Variants in SLIT1 observed in about 807,000 individuals in gnomAD.
The protein encoded by SLIT1 is slit guidance ligand 1, also known as slit homolog 1 protein.
In SLIT1, 66 loss-of-function variants were observed where a neutral mutation model predicts 186.1. That is an observed-to-expected ratio of 0.35 (90% CI 0.29 to 0.44). The LOEUF is 0.44. Ranked by LOEUF, SLIT1 falls within the 20% of genes least tolerant of loss-of-function variation. The probability of loss-of-function intolerance (pLI) is 1.00; values close to 1 mark genes in which losing one functional copy is unlikely to be tolerated. For missense variants in SLIT1, 1,638 were observed against 2,037.4 expected, an observed-to-expected ratio of 0.80 and a Z score of 3.77; for synonymous variants, 761 against 833.8, an observed-to-expected ratio of 0.91 and a Z score of 1.50.
chr10:97,110,039 GACC>G (rs896169643), intron 4 of SLIT1, among the ~76,000 whole-genome samples: 1 of 152,120 alleles, frequency 6.6e-6, no homozygotes, highest in African/African-American at 2.4e-5. Context: ...CTTATTCATT[GACC>G]CACTGTCCAC....
chr10:97,160,726 T>C (rs932809262), intron 3 of SLIT1, among the ~76,000 whole-genome samples: 3 of 152,250 alleles, frequency 2.0e-5, no homozygotes, highest in African/African-American at 7.2e-5. Flanking sequence ...ATTGTTGTTG[T>C]TTTGCTGTTT....
chr10:97,143,396 A>G (rs559892123), intron 4 of SLIT1, among the ~76,000 whole-genome samples: 106 of 152,356 alleles, frequency 7.0e-4, no homozygotes, highest in African/African-American at 2.5e-3. Flanking sequence ...GACAAATGCC[A>G]TGTGATTCCA....
rs1589357895 is a variant in SLIT1, at chr10:97,000,058, G to A, written c.*1054C>T. ...CCATTTTATAGCTGAAGAACCCAAG[G>A]CCCAGGTGGGGAGAAGTTTGCCCCG... On this transcript the variant is annotated 3_prime_UTR_variant, in exon 37 of 37. Transcript: ENST00000266058. 1 of 152,398 alleles carries A rather than the reference G, an allele frequency of 6.6e-6. No homozygotes were observed. The highest frequency in any genetic ancestry group is 2.4e-5 in the African/African-American group (1 of 41,454). 9.4% of individuals were successfully genotyped at this position (152,398 alleles called of 1,614,324 possible). A position where few individuals can be genotyped will look rare whatever the true frequency, so the allele number is the denominator to read the frequency against.
At chr10:97,113,298 C>T (rs1205612189) in intron 4 of SLIT1, among the ~76,000 whole-genome samples, 1 of 152,182 alleles carries the variant, frequency 6.6e-6, no homozygotes, top group East Asian at 1.9e-4. Flanking sequence ...GTTGCCCAGG[C>T]TGGAGTGCAG....
Position 97,062,532 on chromosome 10 carries a change from A to G in SLIT1, c.793+923T>C, listed in dbSNP as rs545052626. ...GTGCTGAGGATGCACCAGAAACACA[A>G]TGCGGGACCTCATGTAGGATCACAG... On this transcript the variant is annotated intron_variant, in intron 8 of 36. Transcript: ENST00000266058. Among the ~76,000 whole-genome samples, 3 of 152,376 alleles carry G rather than the reference A, an allele frequency of 2.0e-5. 1 individual carries two copies. The South Asian group carries it at 6.2e-4, about 32-fold the overall frequency.
intron 4 of SLIT1, among the ~76,000 whole-genome samples, chr10:97,077,105 A>G (rs924884724): frequency 6.6e-6 from 1 of 152,148 alleles, no homozygotes; most frequent in African/African-American, 2.4e-5. Context: ...CATCTCTCCA[A>G]ACAGCTAACA....
chr10:97,001,529 C>T (rs1343020856), intron 36 of SLIT1, among the ~76,000 whole-genome samples, 179 bp from the exon 37 acceptor site: 1 of 152,190 alleles, frequency 6.6e-6, no homozygotes, highest in Non-Finnish European at 1.5e-5. Flanking sequence ...GCACAAGCTT[C>T]CTCCCAGGGC....
chr10:97,090,358 G>A (rs1467301949), intron 4 of SLIT1, among the ~76,000 whole-genome samples: 6 of 152,152 alleles, frequency 3.9e-5, no homozygotes, highest in Non-Finnish European at 5.9e-5. Context: ...GTCCCAGGCA[G>A]AGGAACCAGC....
chr10:97,066,537 C>G (rs1272956363), intron 4 of SLIT1, among the ~76,000 whole-genome samples: 1 of 152,150 alleles, frequency 6.6e-6, no homozygotes, highest in Admixed American at 6.5e-5. Context: ...ATGCTGACTT[C>G]TCGATGGCAT....
intron 13 of SLIT1, among the ~76,000 whole-genome samples, chr10:97,055,780 G>A (rs774666830): frequency 2.0e-5 from 3 of 152,060 alleles, no homozygotes; most frequent in Non-Finnish European, 4.4e-5. Context: ...TGTCATTACC[G>A]TATTTCATCT....
chr10:97,040,249 A>T lies in SLIT1; in HGVS notation c.2165-129T>A, dbSNP rs538120451. 5.2e-6 allele frequency: 5 copies of T among 968,916 alleles called. No homozygotes were observed. In the East Asian group the frequency reaches 1.5e-4, roughly 30 times the overall value. The allele number at this position is 968,916 out of a possible 1,614,324, so 60.0% of individuals were successfully genotyped here. On this transcript the variant is annotated intron_variant, in intron 20 of 36. Transcript: ENST00000266058. ...CTCTGACAGTACCTTGGCCATCAGT[A>T]AGTCTGTGCACTACACCTCCCCGCC...
At chr10:97,092,888 T>C (rs547356896) in intron 4 of SLIT1, among the ~76,000 whole-genome samples, 1 of 152,314 alleles carries the variant, frequency 6.6e-6, no homozygotes, top group Non-Finnish European at 1.5e-5. Flanking sequence ...CCTCCCCTAT[T>C]TATTCCTCAC....
rs1848285277 is a variant in SLIT1, at chr10:96,999,755, C to T, written c.*1357G>A. ...ACTGGCTCCTTCGTTGCCAGCAACTCCCTGGCCTGGGCCGCTGTCTGTGGC... is the reference window on the plus strand; with the variant it reads ...ACTGGCTCCTTCGTTGCCAGCAACTTCCTGGCCTGGGCCGCTGTCTGTGGC... On this transcript the variant is annotated 3_prime_UTR_variant, in exon 37 of 37. Coordinates refer to ENST00000266058, the MANE Select transcript of SLIT1 (RefSeq NM_003061.3). The T allele has an allele frequency of 6.5e-6, 1 of 152,692 alleles. No individual in the cohort carries two copies. Among genetic ancestry groups the T allele is most frequent in the Admixed American group, 6.5e-5 (1 of 15,292 alleles). 9.5% of individuals were successfully genotyped at this position (152,692 alleles called of 1,614,324 possible). A position where few individuals can be genotyped will look rare whatever the true frequency, so the allele number is the denominator to read the frequency against.
At chr10:97,003,758 T>C (rs1000958270) in intron 34 of SLIT1, among the ~76,000 whole-genome samples, 1 of 152,168 alleles carries the variant, frequency 6.6e-6, no homozygotes, top group Admixed American at 6.5e-5. Flanking sequence ...CCTGAAGCCA[T>C]TGAAAAGCCC....
At chr10:97,084,078 C>T (rs1849132689) in intron 4 of SLIT1, among the ~76,000 whole-genome samples, 1 of 152,226 alleles carries the variant, frequency 6.6e-6, no homozygotes, top group Non-Finnish European at 1.5e-5. Flanking sequence ...AACTACACCT[C>T]CTGGTCTGGT....
At chr10:97,063,413 A>T in intron 8 of SLIT1, 42 bp downstream of exon 8, 1 of 1,605,492 alleles carries the variant, frequency 6.2e-7, no homozygotes, top group Admixed American at 1.7e-5. Context: ...GCAGGGCAGG[A>T]GGCGCCGGAC....
chr10:97,015,739 T>G (rs1848449437), intron 28 of SLIT1, among the ~76,000 whole-genome samples: 1 of 152,242 alleles, frequency 6.6e-6, no homozygotes. Context: ...TTCGAATTAT[T>G]GTAGGGATAA....
intron 4 of SLIT1, among the ~76,000 whole-genome samples, chr10:97,140,005 C>A (rs1387499077): frequency 1.3e-5 from 2 of 152,164 alleles, no homozygotes; most frequent in East Asian, 3.9e-4. Context: ...TAGCCTGAAG[C>A]TCCCCTCTTC....
intron 4 of SLIT1, among the ~76,000 whole-genome samples, chr10:97,146,904 ATCTGGTGGAAAAGGCATTGCCTTC>A (rs71007316): frequency 0.12 from 18,753 of 152,114 alleles, 1,236 homozygotes; most frequent in Middle Eastern, 0.18. Context: ...CCTCTGTCCA[ATCTGGTGGAAAAGGCATTGCCTTC>A]TCTGGTGGAG....
Sources: gnomAD v4.1 joint callset for allele counts (sites outside exome capture counted in the v4.1 genomes callset) on GRCh38, gnomAD v4.1.1 for gene constraint, MANE v1.5 for transcripts, NCBI Gene and HGNC (gene_info 2026-07-23, HGNC 2026-07-21) for gene names.